Variants in MACROD2 observed in about 807,000 individuals in gnomAD.
MACROD2 encodes the protein ADP-ribose glycohydrolase MACROD2.
Under a neutral mutation model 70.4 loss-of-function variants are expected in MACROD2, and 36 were observed. The observed-to-expected ratio is 0.51, with a 90% confidence interval of 0.39 to 0.68. MACROD2 has a LOEUF of 0.68. Ranked by LOEUF, MACROD2 falls within the 30% of genes least tolerant of loss-of-function variation. MACROD2 has a pLI of 0.00. For synonymous variants in MACROD2, 172 were observed against 178.8 expected (o/e 0.96, Z 0.30); for missense variants, 496 against 538.4 (o/e 0.92, Z 0.78).
chr20:14,232,092 G>T (rs2081819685), intron 3 of MACROD2, among the ~76,000 whole-genome samples: 1 of 152,164 alleles, frequency 6.6e-6, no homozygotes, highest in Non-Finnish European at 1.5e-5. Context: ...TCTATAGGTT[G>T]CCTGTTCACT....
At chr20:15,694,086 A>G (rs2050334095) in intron 8 of MACROD2, among the ~76,000 whole-genome samples, 1 of 152,260 alleles carries the variant, frequency 6.6e-6, no homozygotes, top group African/African-American at 2.4e-5. Context: ...TCATATATAT[A>G]TCTCACAGTT....
rs180680522 is a variant in MACROD2, at chr20:14,225,118, T to C, written c.271+139390T>C. Among the ~76,000 whole-genome samples the C allele has an allele frequency of 9.6e-4, 146 of 152,354 alleles. 1 individual carries two copies. The Middle Eastern group carries it at 0.01, about 11-fold the overall frequency. On this transcript the variant is annotated intron_variant, in intron 3 of 17. Coordinates refer to ENST00000684519, the MANE Select transcript of MACROD2 (RefSeq NM_001351661.2). ...CCTATTTATTGGGTCTTCTTGTTGG[T>C]ATTTTTTTCTATAATGGCAGAATAA...
chr20:15,950,205 G>A (rs2065885203), intron 12 of MACROD2, among the ~76,000 whole-genome samples: 1 of 151,926 alleles, frequency 6.6e-6, no homozygotes, highest in Non-Finnish European at 1.5e-5. Flanking sequence ...AATGTGCATT[G>A]GACTCAAATA....
chr20:14,482,908 A>T (rs2084678850), intron 3 of MACROD2, among the ~76,000 whole-genome samples: 2 of 152,132 alleles, frequency 1.3e-5, no homozygotes, highest in South Asian at 4.1e-4. Flanking sequence ...GGCTTCAAAT[A>T]CTGGTGCCAG....
chr20:15,292,144 G>T (rs997715498), intron 6 of MACROD2, among the ~76,000 whole-genome samples: 1 of 152,066 alleles, frequency 6.6e-6, no homozygotes, highest in Non-Finnish European at 1.5e-5. Flanking sequence ...CTGAATAGCT[G>T]GGACTACAGG....
intron 5 of MACROD2, among the ~76,000 whole-genome samples, chr20:14,755,761 T>G (rs1300889673): frequency 2.6e-5 from 4 of 152,024 alleles, no homozygotes; most frequent in African/African-American, 7.3e-5. Context: ...AAAACATAGT[T>G]CTAAGAATCT....
At chr20:14,199,310 G>T (rs954719314) in intron 3 of MACROD2, among the ~76,000 whole-genome samples, 1 of 152,206 alleles carries the variant, frequency 6.6e-6, no homozygotes. Flanking sequence ...AGAAAACCTG[G>T]AGGGCAGCCA....
At chr20:15,277,218 A>G (rs1288592205) in intron 6 of MACROD2, among the ~76,000 whole-genome samples, 3 of 152,200 alleles carry the variant, frequency 2.0e-5, no homozygotes, top group African/African-American at 7.2e-5. Context: ...GGTAGAAGAC[A>G]TACAGTTTCT....
At chr20:14,730,110 A>T (rs966004258) in intron 5 of MACROD2, among the ~76,000 whole-genome samples, 4 of 152,178 alleles carry the variant, frequency 2.6e-5, no homozygotes, top group African/African-American at 7.2e-5. Context: ...GGTAGAAAAT[A>T]TGGGAGCCAG....
chr20:14,401,055 C>G (rs554856186), intron 3 of MACROD2, among the ~76,000 whole-genome samples: 2 of 152,154 alleles, frequency 1.3e-5, no homozygotes, highest in Non-Finnish European at 2.9e-5. Flanking sequence ...AATTTAAACT[C>G]TTGCCTAATT....
chr20:15,292,591 ACGTGGCTCAGAGT>A (rs1475151064), intron 6 of MACROD2, among the ~76,000 whole-genome samples: 3 of 152,236 alleles, frequency 2.0e-5, no homozygotes, highest in Non-Finnish European at 4.4e-5. Flanking sequence ...AATAAAAGAA[ACGTGGCTCAGAGT>A]CGAAGTGCTG....
At chr20:14,080,591 CAA>C (rs1212918803) in intron 2 of MACROD2, among the ~76,000 whole-genome samples, 7 of 150,934 alleles carry the variant, frequency 4.6e-5, no homozygotes, top group Non-Finnish European at 7.4e-5. Flanking sequence ...ATTTTGTAAA[CAA>C]GAGTTAAAAA....
intron 8 of MACROD2, among the ~76,000 whole-genome samples, chr20:15,611,682 G>A (rs774950359): frequency 4.6e-5 from 7 of 151,270 alleles, no homozygotes; most frequent in African/African-American, 7.3e-5. Context: ...TGACCCCCTC[G>A]GCACTTACAT....
chr20:15,258,927 A>T (rs1568674058), intron 6 of MACROD2, among the ~76,000 whole-genome samples: 1 of 152,048 alleles, frequency 6.6e-6, no homozygotes, highest in Non-Finnish European at 1.5e-5. Context: ...AAAAGCAGCT[A>T]ATTTCCTACA....
chr20:14,779,329 A>G (rs572617361), intron 5 of MACROD2, among the ~76,000 whole-genome samples: 1 of 152,102 alleles, frequency 6.6e-6, no homozygotes, highest in South Asian at 2.1e-4. Context: ...TCTTAGACAC[A>G]TGGCACCTTT....
At chr20:14,422,553 A>G (rs1452049529) in intron 3 of MACROD2, among the ~76,000 whole-genome samples, 1 of 150,948 alleles carries the variant, frequency 6.6e-6, no homozygotes, top group African/African-American at 2.4e-5. Flanking sequence ...TTCCTTTATT[A>G]TTTCTTTCGT....
At chr20:14,559,904 G>A (rs1025161621) in intron 4 of MACROD2, among the ~76,000 whole-genome samples, 2 of 151,714 alleles carry the variant, frequency 1.3e-5, no homozygotes, top group African/African-American at 2.4e-5. Flanking sequence ...CTGTCTCTCC[G>A]GTGTGAAACA....
chr20:15,152,675 C>T lies in MACROD2; in HGVS notation c.419-77265C>T, dbSNP rs546354245. ...AGAAGGGGTTGGGGTTCTTGCCCCTCCCCCAGAAAAGTGGGACTTGCCGCT... is the reference window on the plus strand; with the variant it reads ...AGAAGGGGTTGGGGTTCTTGCCCCTTCCCCAGAAAAGTGGGACTTGCCGCT... On this transcript the variant is annotated intron_variant, in intron 5 of 17. Transcript: ENST00000684519. 1.1e-4 allele frequency among the ~76,000 whole-genome samples: 17 copies of T among 151,946 alleles called. 1 individual carries two copies. In the South Asian group the frequency reaches 3.5e-3, roughly 32 times the overall value.
At chr20:14,045,014 G>A (rs2148643126) in intron 2 of MACROD2, among the ~76,000 whole-genome samples, 1 of 152,374 alleles carries the variant, frequency 6.6e-6, no homozygotes, top group South Asian at 2.1e-4. Context: ...GAGCACAGCA[G>A]CTGGTGGCCC....
Sources: gnomAD v4.1 joint callset for allele counts (sites outside exome capture counted in the v4.1 genomes callset) on GRCh38, gnomAD v4.1.1 for gene constraint, MANE v1.5 for transcripts, NCBI Gene and HGNC (gene_info 2026-07-23, HGNC 2026-07-21) for gene names.